Variants in KCNB2 observed in about 807,000 individuals in gnomAD.
KCNB2 encodes the protein delayed rectifier potassium channel protein.
Under a neutral mutation model 61.5 loss-of-function variants are expected in KCNB2, and 15 were observed. The observed-to-expected ratio is 0.24, with a 90% CI of 0.16 to 0.38. The LOEUF (loss-of-function observed/expected upper bound fraction) is 0.38, where lower values mean the gene tolerates loss of function less well. KCNB2 is among the 10% of genes least tolerant of loss of function. The pLI is 1.00. For synonymous variants in KCNB2, 457 were observed against 446.0 expected, an observed-to-expected ratio of 1.02 and a Z score of -0.31; for missense variants, 828 against 1,125.2, an observed-to-expected ratio of 0.74 and a Z score of 3.78.
At chr8:72,697,351 A>G (rs147015784) in intron 2 of KCNB2, among the ~76,000 whole-genome samples, 1 of 152,026 alleles carries the variant, frequency 6.6e-6, no homozygotes, top group African/African-American at 2.4e-5. Flanking sequence ...TAATATTTCT[A>G]CTTTTACCTG....
At chr8:72,728,539 A>T (rs1039050913) in intron 2 of KCNB2, among the ~76,000 whole-genome samples, 1 of 152,206 alleles carries the variant, frequency 6.6e-6, no homozygotes, top group East Asian at 1.9e-4. Flanking sequence ...CTCTTCTAAA[A>T]TATAAAATGA....
intron 2 of KCNB2, among the ~76,000 whole-genome samples, chr8:72,903,474 G>GA (rs1243506452): frequency 6.6e-6 from 1 of 152,186 alleles, no homozygotes; most frequent in Non-Finnish European, 1.5e-5. Context: ...CTAGCTACTG[G>GA]AGAGGCTAAG....
intron 2 of KCNB2, among the ~76,000 whole-genome samples, chr8:72,931,406 G>A (rs557251916): frequency 1.5e-4 from 23 of 152,236 alleles, no homozygotes; most frequent in South Asian, 8.3e-4. Context: ...CCATTTTCAC[G>A]ATATTGATTC....
At chr8:72,893,512 GC>G (rs1805935384) in intron 2 of KCNB2, among the ~76,000 whole-genome samples, 1 of 152,066 alleles carries the variant, frequency 6.6e-6, no homozygotes, top group Non-Finnish European at 1.5e-5. Flanking sequence ...CAAAATAATA[GC>G]ACTAAATGAG....
At chr8:72,845,352 C>T (rs1809970046) in intron 2 of KCNB2, among the ~76,000 whole-genome samples, 1 of 152,174 alleles carries the variant, frequency 6.6e-6, no homozygotes, top group Non-Finnish European at 1.5e-5. Context: ...AGCTGGAGCT[C>T]TTTTGTATGA....
chr8:72,562,847 A>C (rs906885414), intron 1 of KCNB2, among the ~76,000 whole-genome samples: 2 of 152,216 alleles, frequency 1.3e-5, no homozygotes, highest in African/African-American at 4.8e-5. Context: ...CATCATATAC[A>C]CTTTAATTAC....
At chr8:72,921,501 G>A (rs1806519574) in intron 2 of KCNB2, among the ~76,000 whole-genome samples, 1 of 152,142 alleles carries the variant, frequency 6.6e-6, no homozygotes, top group African/African-American at 2.4e-5. Context: ...GTAAACATGG[G>A]TTTATCTAGG....
intron 2 of KCNB2, among the ~76,000 whole-genome samples, chr8:72,666,737 C>G (rs1806480154): frequency 6.6e-6 from 1 of 150,806 alleles, no homozygotes; most frequent in South Asian, 2.1e-4. Context: ...ACTGCAACCT[C>G]TGCCTCCCGG....
At chr8:72,557,578 C>T (rs1464372182) in intron 1 of KCNB2, among the ~76,000 whole-genome samples, 2 of 152,242 alleles carry the variant, frequency 1.3e-5, no homozygotes, top group Non-Finnish European at 2.9e-5. Flanking sequence ...TTACCAAAGT[C>T]AACTTTTTCC....
chr8:72,897,897 G>A (rs1198016584), intron 2 of KCNB2, among the ~76,000 whole-genome samples: 2 of 152,086 alleles, frequency 1.3e-5, no homozygotes, highest in East Asian at 1.9e-4. Context: ...GATATGGAGG[G>A]TACATCTTGG....
chr8:72,568,462 T>G, intron 2 of KCNB2, 149 bp downstream of exon 2: 1 of 627,220 alleles, frequency 1.6e-6, no homozygotes, highest in East Asian at 2.8e-5. Context: ...AAATCTTATT[T>G]AGTCCAATAT....
At chr8:72,574,747 A>T (rs1806769299) in intron 2 of KCNB2, among the ~76,000 whole-genome samples, 1 of 152,210 alleles carries the variant, frequency 6.6e-6, no homozygotes, top group East Asian at 1.9e-4. Context: ...GTGTTATCAC[A>T]AAATAGAGTA....
At chr8:72,684,974 C>T (rs932447932) in intron 2 of KCNB2, among the ~76,000 whole-genome samples, 17 of 152,072 alleles carry the variant, frequency 1.1e-4, no homozygotes, top group African/African-American at 4.1e-4. Context: ...TAATTTATGT[C>T]AAAACAAATT....
chr8:72,899,152 C>T (rs1806041946), intron 2 of KCNB2, among the ~76,000 whole-genome samples: 1 of 152,146 alleles, frequency 6.6e-6, no homozygotes, highest in Non-Finnish European at 1.5e-5. Context: ...CATATTATCA[C>T]CTCAGTAGTC....
At chr8:72,857,586 G>A (rs1810226185) in intron 2 of KCNB2, among the ~76,000 whole-genome samples, 1 of 151,992 alleles carries the variant, frequency 6.6e-6, no homozygotes, top group Admixed American at 6.6e-5. Context: ...AAAAAGAGTG[G>A]CAGAGTGCCT....
chr8:72,565,662 A>AAC (rs1554576382), intron 1 of KCNB2, among the ~76,000 whole-genome samples: 8 of 147,850 alleles, frequency 5.4e-5, no homozygotes, highest in Admixed American at 1.3e-4. Flanking sequence ...ACACACACAC[A>AAC]ACACACACAC....
At chr8:72,849,957 C>T (rs1244230722) in intron 2 of KCNB2, among the ~76,000 whole-genome samples, 1 of 152,058 alleles carries the variant, frequency 6.6e-6, no homozygotes, top group East Asian at 1.9e-4. Context: ...ATTTGTCAAA[C>T]AGAATCATGT....
chr8:72,590,171 A>G (rs185937484), intron 2 of KCNB2, among the ~76,000 whole-genome samples: 168 of 152,298 alleles, frequency 1.1e-3, no homozygotes, highest in African/African-American at 3.8e-3. Context: ...TTTTAAAGCA[A>G]TTTTAACCAT....
chr8:72,887,122 G>T (rs995934712), intron 2 of KCNB2, among the ~76,000 whole-genome samples: 1 of 152,160 alleles, frequency 6.6e-6, no homozygotes, highest in Non-Finnish European at 1.5e-5. Flanking sequence ...TGCTTTCTGA[G>T]CCATAAAGTA....
Sources: gnomAD v4.1 joint callset for allele counts (sites outside exome capture counted in the v4.1 genomes callset) on GRCh38, gnomAD v4.1.1 for gene constraint, MANE v1.5 for transcripts, NCBI Gene and HGNC (gene_info 2026-07-23, HGNC 2026-07-21) for gene names.